The following RARB variants were observed in gnomAD, a reference collection of about 807,000 sequenced individuals.
The protein encoded by RARB is HBV-activated protein.
A neutral mutation model predicts 51.9 loss-of-function variants in RARB; 17 were observed. The observed-to-expected ratio is 0.33, with a 90% CI of 0.22 to 0.49. The LOEUF (loss-of-function observed/expected upper bound fraction) is 0.49, where lower values mean the gene tolerates loss of function less well. Among genes scored for constraint, RARB ranks in the 20% least tolerant of loss-of-function variants. The probability of loss-of-function intolerance (pLI) is 0.99; values close to 1 mark genes in which losing one functional copy is unlikely to be tolerated. For missense variants in RARB, 369 were observed against 550.8 expected, an observed-to-expected ratio of 0.67 and a Z score of 3.30; for synonymous variants, 215 against 195.4, an observed-to-expected ratio of 1.10 and a Z score of -0.84.
intron 1 of RARB, among the ~76,000 whole-genome samples, chr3:25,454,677 C>T (rs1308127158): frequency 6.9e-6 from 1 of 144,430 alleles, no homozygotes; most frequent in African/African-American, 2.5e-5. Flanking sequence ...TAAATTAGCT[C>T]TCACAAAGAA....
At chr3:25,170,007 A>G (rs1318747006) in intron 4 of RARB, among the ~76,000 whole-genome samples, 11 of 113,690 alleles carry the variant, frequency 9.7e-5, no homozygotes, top group Non-Finnish European at 1.8e-4. Context: ...AAAAAAAAAA[A>G]AGAAAGAAAA....
At position 25,508,212 on chromosome 3, in the gene RARB, C is replaced by T. The variant is rs115900456; in HGVS notation, c.448+6889C>T. ...GTCCCTAAGCACTCATTGACACCTTCTCATTTGGGGCATATTGAGCTTAAA... is the reference window on the plus strand; with the variant it reads ...GTCCCTAAGCACTCATTGACACCTTTTCATTTGGGGCATATTGAGCTTAAA... On this transcript the variant is annotated intron_variant, in intron 3 of 7. Transcript: ENST00000330688. Among the ~76,000 whole-genome samples, 1,060 of 152,296 alleles carry T rather than the reference C, an allele frequency of 7.0e-3. 3 individuals are homozygous for T. Among genetic ancestry groups the T allele is most frequent in the Middle Eastern group, 0.024 (7 of 294 alleles).
chr3:24,932,606 T>A (rs1339302509), intron 2 of RARB, among the ~76,000 whole-genome samples: 3 of 152,272 alleles, frequency 2.0e-5, no homozygotes, highest in Non-Finnish European at 4.4e-5. Context: ...GTCTTCTATA[T>A]GTTTATCATG....
chr3:25,440,833 A>G (rs1216016585), intron 1 of RARB, among the ~76,000 whole-genome samples: 1 of 152,116 alleles, frequency 6.6e-6, no homozygotes, highest in Admixed American at 6.5e-5. Flanking sequence ...AAAATTTAAC[A>G]GATTTATTTA....
chr3:25,343,237 T>G (rs1041569685), intron 5 of RARB, among the ~76,000 whole-genome samples: 3 of 152,158 alleles, frequency 2.0e-5, no homozygotes, highest in African/African-American at 7.2e-5. Flanking sequence ...TCTTCTACTC[T>G]AGGCTATGAG....
intron 2 of RARB, among the ~76,000 whole-genome samples, chr3:24,944,388 G>C (rs1695731987): frequency 6.6e-6 from 1 of 152,220 alleles, no homozygotes; most frequent in East Asian, 1.9e-4. Flanking sequence ...AACATTGATA[G>C]AGGATTCAAC....
chr3:25,054,059 T>C (rs886828190), intron 2 of RARB, among the ~76,000 whole-genome samples: 2 of 152,128 alleles, frequency 1.3e-5, no homozygotes, highest in Non-Finnish European at 2.9e-5. Flanking sequence ...GGGGAGTCCA[T>C]GTGGACACAG....
chr3:25,384,329 G>A (rs1706730236), intron 5 of RARB, among the ~76,000 whole-genome samples: 1 of 152,048 alleles, frequency 6.6e-6, no homozygotes, highest in Admixed American at 6.5e-5. Flanking sequence ...TCTCTCCTAA[G>A]AGCAAGCTTT....
chr3:24,926,500 G>A (rs1215903320), intron 2 of RARB, among the ~76,000 whole-genome samples: 1 of 152,090 alleles, frequency 6.6e-6, no homozygotes, highest in East Asian at 1.9e-4. Flanking sequence ...TATAGATAGT[G>A]CTAAAATATC....
chr3:25,174,115 A>G (rs907150873), intron 4 of RARB: 2 of 177,574 alleles, frequency 1.1e-5, no homozygotes, highest in Non-Finnish European at 1.2e-5. Context: ...ATTTTTTCTT[A>G]CAGAATTAAC....
intron 5 of RARB, among the ~76,000 whole-genome samples, chr3:25,233,754 TG>T (rs1371202283): frequency 6.6e-6 from 1 of 150,416 alleles, no homozygotes; most frequent in East Asian, 1.9e-4. Context: ...CAGGCGTTTT[TG>T]TTTGGTTGTT....
chr3:25,549,245 T>C (rs1043736691), intron 3 of RARB, among the ~76,000 whole-genome samples: 4 of 152,024 alleles, frequency 2.6e-5, no homozygotes, highest in African/African-American at 9.7e-5. Flanking sequence ...CTGATAAGCA[T>C]TTAGAGACTG....
At chr3:25,399,735 A>C (rs986831965) in intron 5 of RARB, among the ~76,000 whole-genome samples, 2 of 152,160 alleles carry the variant, frequency 1.3e-5, no homozygotes, top group African/African-American at 4.8e-5. Context: ...ATTAAAACCA[A>C]CTAAAAGTGG....
At chr3:25,330,272 A>G (rs184758182) in intron 5 of RARB, among the ~76,000 whole-genome samples, 1 of 152,320 alleles carries the variant, frequency 6.6e-6, no homozygotes, top group African/African-American at 2.4e-5. Context: ...GAGAAAGGTC[A>G]GGTTACCCAC....
At chr3:24,952,478 T>G (rs567896387) in intron 2 of RARB, among the ~76,000 whole-genome samples, 2 of 151,996 alleles carry the variant, frequency 1.3e-5, no homozygotes, top group Admixed American at 6.6e-5. Flanking sequence ...GCTCCCCCCA[T>G]CCCCCACTAC....
At chr3:25,095,466 TTTCCAAGTGA>T (rs1389840827) in intron 3 of RARB, among the ~76,000 whole-genome samples, 3 of 152,312 alleles carry the variant, frequency 2.0e-5, no homozygotes, top group East Asian at 3.9e-4. Flanking sequence ...TTTAACAAGC[TTTCCAAGTGA>T]TTCCGATGCA....
intron 2 of RARB, among the ~76,000 whole-genome samples, chr3:25,010,939 G>A (rs905848942): frequency 2.6e-5 from 4 of 151,888 alleles, no homozygotes; most frequent in Admixed American, 2.0e-4. Flanking sequence ...TGTGACCATC[G>A]AGGCCAAGGC....
chr3:25,499,722 C>T (rs1292994748), intron 2 of RARB, among the ~76,000 whole-genome samples: 1 of 151,866 alleles, frequency 6.6e-6, no homozygotes, highest in Non-Finnish European at 1.5e-5. Context: ...AGTAGGATGA[C>T]AAAGCTGGTT....
intron 5 of RARB, among the ~76,000 whole-genome samples, chr3:25,263,529 T>C (rs1703055540): frequency 6.6e-6 from 1 of 152,192 alleles, no homozygotes; most frequent in Admixed American, 6.6e-5. Context: ...TTTAGCCTCA[T>C]GGGTTTAAGA....
Sources: allele counts gnomAD v4.1 joint callset (sites outside exome capture counted in the v4.1 genomes callset), GRCh38; gene constraint gnomAD v4.1.1; transcripts MANE v1.5; gene names NCBI Gene and HGNC (gene_info 2026-07-23, HGNC 2026-07-21).